The following JAM2 variants were observed in gnomAD, a reference collection of about 807,000 sequenced individuals.
JAM2 encodes junctional adhesion molecule B.
A neutral mutation model predicts 42.0 loss-of-function variants in JAM2; 17 were observed. The ratio of observed to expected loss-of-function variants is 0.40; its 90% CI spans 0.28 to 0.61. JAM2 has a LOEUF of 0.61. JAM2 is among the 20% of genes least tolerant of loss of function. JAM2 has a pLI of 0.37. For missense variants in JAM2, 319 were observed against 358.3 expected, an observed-to-expected ratio of 0.89 and a Z score of 0.89; for synonymous variants, 118 against 128.6, an observed-to-expected ratio of 0.92 and a Z score of 0.56.
intron 1 of JAM2, among the ~76,000 whole-genome samples, chr21:25,681,173 T>G (rs891540807): frequency 1.3e-5 from 2 of 152,220 alleles, no homozygotes; most frequent in Admixed American, 6.5e-5. Context: ...TCTTACATCA[T>G]GTATAATTTT....
intron 6 of JAM2, among the ~76,000 whole-genome samples, chr21:25,703,612 C>T (rs1159074310): frequency 6.6e-6 from 1 of 151,924 alleles, no homozygotes; most frequent in Non-Finnish European, 1.5e-5. Context: ...GAAATTTTTT[C>T]AAAGTGCAGC....
rs1451517537 is a variant in JAM2 at position 25,639,463 on chromosome 21, G to C, written c.-359G>C. ...CAAAGCCGATCAATCCCGGAGGCGT[G>C]GGGGCGGAGGGACGACCCGCCGGGG... On this transcript the variant is annotated 5_prime_UTR_variant, in exon 1 of 10. Coordinates refer to ENST00000480456, the MANE Select transcript of JAM2 (RefSeq NM_021219.4). 1 of 208,100 alleles carries C rather than the reference G, an allele frequency of 4.8e-6. No individual in the cohort carries two copies. Among genetic ancestry groups the C allele is most frequent in the Non-Finnish European group, 9.5e-6 (1 of 105,146 alleles). The allele number at this position is 208,100 out of a possible 1,614,324, so 12.9% of individuals were successfully genotyped here.
At position 25,639,816 on chromosome 21, in the gene JAM2, G is replaced by A; in HGVS notation, c.-6G>A. On this transcript the variant is annotated 5_prime_UTR_variant, in exon 1 of 10. Coordinates refer to ENST00000480456, the MANE Select transcript of JAM2 (RefSeq NM_021219.4). ...CCTCAGAGCAGCCGGCTGCCGCCCCGGGAAGATGGCGAGGAGGAGCCGCCA... is the reference window on the plus strand; with the variant it reads ...CCTCAGAGCAGCCGGCTGCCGCCCCAGGAAGATGGCGAGGAGGAGCCGCCA... The A allele has an allele frequency of 3.8e-6, 6 of 1,579,158 alleles. No individual in the cohort carries two copies. The highest frequency in any genetic ancestry group is 3.4e-6 in the Non-Finnish European group (4 of 1,165,738).
At chr21:25,695,950 G>A (rs545796421) in intron 4 of JAM2, among the ~76,000 whole-genome samples, 1 of 152,290 alleles carries the variant, frequency 6.6e-6, no homozygotes, top group East Asian at 1.9e-4. Flanking sequence ...ACGATGGGTG[G>A]CCAGGCAGAG....
chr21:25,714,489 T>C (rs2034443686), intron 9 of JAM2, 151 bp from the exon 10 acceptor site: 1 of 602,502 alleles, frequency 1.7e-6, no homozygotes, highest in Non-Finnish European at 2.6e-6. Context: ...CAGAGCAAGA[T>C]TCCATCTCAA....
chr21:25,706,756 T>C (rs1300445116), intron 7 of JAM2, among the ~76,000 whole-genome samples: 1 of 152,170 alleles, frequency 6.6e-6, no homozygotes, highest in Non-Finnish European at 1.5e-5. Context: ...GTTTGTTTTT[T>C]TGAGACGGAG....
At chr21:25,668,994 A>T (rs1373687825) in intron 1 of JAM2, among the ~76,000 whole-genome samples, 2 of 152,182 alleles carry the variant, frequency 1.3e-5, no homozygotes, top group Non-Finnish European at 2.9e-5. Context: ...TTAACTATCC[A>T]AAACATATCA....
chr21:25,646,298 A>C (rs182273473), intron 1 of JAM2, among the ~76,000 whole-genome samples: 81 of 152,272 alleles, frequency 5.3e-4, no homozygotes, highest in African/African-American at 1.9e-3. Flanking sequence ...TTAAGGAAAA[A>C]ATTTTTTAAT....
intron 8 of JAM2, among the ~76,000 whole-genome samples, chr21:25,710,802 T>C (rs1410011525): frequency 6.6e-6 from 1 of 152,200 alleles, no homozygotes; most frequent in Non-Finnish European, 1.5e-5. Context: ...TGGAGGGCTT[T>C]AAGCAGAGGA....
intron 2 of JAM2, among the ~76,000 whole-genome samples, chr21:25,688,387 A>G (rs546499931): frequency 1.1e-4 from 17 of 152,364 alleles, no homozygotes; most frequent in African/African-American, 3.8e-4. Flanking sequence ...CATGAGGAAT[A>G]GGCTAAAAAT....
At position 25,639,875 on chromosome 21, in the gene JAM2, G is replaced by A. The variant is rs1013121320; in HGVS notation, c.54G>A (p.Val18=). ...RLLLLLLRYL[V]VALGYHKAYG... ...TCCTGCTGCTGCTGCGCTACCTGGTGGTCGCCCTGGGCTGTAAGTTGCTCG... is the reference window on the plus strand; with the variant it reads ...TCCTGCTGCTGCTGCGCTACCTGGTAGTCGCCCTGGGCTGTAAGTTGCTCG... Residue 18 remains valine (V), a synonymous_variant, in exon 1 of 10, where the codon GTG becomes GTA. Coordinates refer to ENST00000480456, the MANE Select transcript of JAM2 (RefSeq NM_021219.4). 6 of 1,591,682 alleles carry A rather than the reference G, an allele frequency of 3.8e-6. No individual in the cohort carries two copies. The highest frequency in any genetic ancestry group is 5.1e-6 in the Non-Finnish European group (6 of 1,170,036).
chr21:25,681,249 T>C (rs1421997123), intron 1 of JAM2, among the ~76,000 whole-genome samples: 2 of 152,228 alleles, frequency 1.3e-5, no homozygotes, highest in East Asian at 3.8e-4. Flanking sequence ...AGATGACCAA[T>C]GTATTTGTTC....
intron 3 of JAM2, among the ~76,000 whole-genome samples, chr21:25,691,490 G>A (rs1026992735): frequency 6.6e-6 from 1 of 152,146 alleles, no homozygotes; most frequent in African/African-American, 2.4e-5. Flanking sequence ...CCAATTGGCT[G>A]GGACTACAGG....
intron 1 of JAM2, among the ~76,000 whole-genome samples, chr21:25,674,557 T>G (rs74697032): frequency 0.035 from 5,366 of 152,182 alleles, 324 homozygotes; most frequent in African/African-American, 0.12. Flanking sequence ...TAGTGAAAAT[T>G]ATCCTTAAAT....
chr21:25,675,524 G>A (rs1345344369), intron 1 of JAM2, among the ~76,000 whole-genome samples: 1 of 145,312 alleles, frequency 6.9e-6, no homozygotes, highest in Non-Finnish European at 1.5e-5. Context: ...AGGAGAGAGA[G>A]AGAAAGAGAG....
At chr21:25,669,899 T>A (rs2033316771) in intron 1 of JAM2, among the ~76,000 whole-genome samples, 1 of 152,248 alleles carries the variant, frequency 6.6e-6, no homozygotes, top group Admixed American at 6.5e-5. Flanking sequence ...GCCAAGCTGC[T>A]GAAAATAATA....
At chr21:25,648,359 G>T (rs1314137869) in intron 1 of JAM2, among the ~76,000 whole-genome samples, 2 of 152,076 alleles carry the variant, frequency 1.3e-5, no homozygotes, top group Non-Finnish European at 2.9e-5. Context: ...CATTAAAATT[G>T]TACCTAAGCA....
intron 1 of JAM2, among the ~76,000 whole-genome samples, chr21:25,646,081 T>C (rs2032600740): frequency 6.6e-6 from 1 of 152,160 alleles, no homozygotes; most frequent in Admixed American, 6.5e-5. Flanking sequence ...CTACACTAAA[T>C]TTATAAAACA....
chr21:25,705,537 A>G (rs34482392), intron 6 of JAM2, among the ~76,000 whole-genome samples: 54,226 of 152,090 alleles, frequency 0.36, 11,107 homozygotes, highest in Non-Finnish European at 0.46. Flanking sequence ...CATGCCTGGC[A>G]CCATGTGTTT....
Sources: allele counts gnomAD v4.1 joint callset (sites outside exome capture counted in the v4.1 genomes callset), GRCh38; gene constraint gnomAD v4.1.1; transcripts MANE v1.5; gene names NCBI Gene and HGNC (gene_info 2026-07-23, HGNC 2026-07-21).